R3HCC1L: variants seen among roughly 807,000 people sequenced by gnomAD.
The protein encoded by R3HCC1L is R3H domain and coiled-coil containing 1 like.
In R3HCC1L, 51 loss-of-function variants were observed where a neutral mutation model predicts 59.9. The observed-to-expected ratio is 0.85, with a 90% CI of 0.68 to 1.07. The LOEUF is 1.07. Ranked by LOEUF, R3HCC1L falls within the 50% of genes least tolerant of loss-of-function variation. The pLI, the probability that R3HCC1L is intolerant of heterozygous loss-of-function variation, is 0.00. For missense variants in R3HCC1L, 965 were observed against 933.0 expected, an observed-to-expected ratio of 1.03 and a Z score of -0.45; for synonymous variants, 322 against 315.2, an observed-to-expected ratio of 1.02 and a Z score of -0.23.
At chr10:98,135,278 G>T (rs944352694) in intron 1 of R3HCC1L, among the ~76,000 whole-genome samples, 1 of 152,216 alleles carries the variant, frequency 6.6e-6, no homozygotes, top group African/African-American at 2.4e-5. Context: ...AGTTGTGTAC[G>T]GGAAGGAGCA....
At position 98,208,376 on chromosome 10, in the gene R3HCC1L, T is replaced by C. The variant is rs762559219; in HGVS notation, c.262T>C (p.Ser88Pro). The C allele has an allele frequency of 5.0e-6, 8 of 1,613,870 alleles. No homozygotes were observed. The Admixed American group carries it at 1.0e-4, about 20-fold the overall frequency. Residue 88 changes from serine to proline, a missense_variant, in exon 5 of 10, where the codon TCT becomes CCT. By Grantham distance (74) the Ser-to-Pro change is moderately conservative (BLOSUM62 -1). Transcript: ENST00000298999. ...KEHNCREEKK[S>P]STKLRMDTCL... ...GCATAATTGTAGAGAAGAAAAGAAATCTTCAACAAAATTAAGAATGGACAC... is the reference window on the plus strand; with the variant it reads ...GCATAATTGTAGAGAAGAAAAGAAACCTTCAACAAAATTAAGAATGGACAC...
At chr10:98,184,723 T>G (rs1850044005) in intron 4 of R3HCC1L, among the ~76,000 whole-genome samples, 1 of 152,232 alleles carries the variant, frequency 6.6e-6, no homozygotes, top group Non-Finnish European at 1.5e-5. Flanking sequence ...CCATTTTAGC[T>G]AGGTGTTTCC....
At chr10:98,146,073 TAA>T (rs771445097) in intron 1 of R3HCC1L, among the ~76,000 whole-genome samples, 1 of 152,218 alleles carries the variant, frequency 6.6e-6, no homozygotes, top group African/African-American at 2.4e-5. Context: ...TGGCAGTTTC[TAA>T]AAATTAATCT....
At chr10:98,169,604 A>G (rs1400721141) in intron 4 of R3HCC1L, among the ~76,000 whole-genome samples, 1 of 152,210 alleles carries the variant, frequency 6.6e-6, no homozygotes, top group Non-Finnish European at 1.5e-5. Flanking sequence ...ACAATTAGAC[A>G]TGGTTCATCG....
intron 9 of R3HCC1L, among the ~76,000 whole-genome samples, chr10:98,243,055 A>C (rs1463983107): frequency 6.6e-6 from 1 of 152,154 alleles, no homozygotes; most frequent in Non-Finnish European, 1.5e-5. Context: ...TCTTTTTCTC[A>C]CATTTCCAAG....
chr10:98,177,921 ATTTG>A (rs1849207608), intron 4 of R3HCC1L, among the ~76,000 whole-genome samples: 1 of 151,978 alleles, frequency 6.6e-6, no homozygotes, highest in Non-Finnish European at 1.5e-5. Context: ...TTTCTTGTAA[ATTTG>A]TTTAAGTTCT....
chr10:98,176,262 T>C (rs1849007682), intron 4 of R3HCC1L, among the ~76,000 whole-genome samples: 1 of 152,182 alleles, frequency 6.6e-6, no homozygotes, highest in South Asian at 2.1e-4. Context: ...CCAGTTCCTA[T>C]GCCTCTTCAT....
At chr10:98,138,458 C>G (rs763406177) in intron 1 of R3HCC1L, among the ~76,000 whole-genome samples, 1 of 151,944 alleles carries the variant, frequency 6.6e-6, no homozygotes, top group Non-Finnish European at 1.5e-5. Flanking sequence ...TTGAGATCCT[C>G]TGAGGTAGGC....
Position 98,215,940 on chromosome 10 carries a change from A to G in R3HCC1L, c.1785+6041A>G, listed in dbSNP as rs115938836. On this transcript the variant is annotated intron_variant, in intron 5 of 9. Transcript: ENST00000298999. ...GGGAAAGAAGCATCCAGAGGAGTTT[A>G]AAGATTGAAGCTGGATCTTGGGAGA... 8.9e-3 allele frequency among the ~76,000 whole-genome samples: 1,355 copies of G among 152,356 alleles called. 24 individuals carry two copies. Among genetic ancestry groups the G allele is most frequent in the African/African-American group, 0.029 (1,215 of 41,586 alleles).
intron 4 of R3HCC1L, among the ~76,000 whole-genome samples, chr10:98,178,737 A>T (rs1252395221): frequency 2.0e-5 from 3 of 151,910 alleles, no homozygotes; most frequent in African/African-American, 7.3e-5. Context: ...CTTTTATTTC[A>T]TTGAGCACTG....
chr10:98,231,079 T>G (rs151302854), intron 5 of R3HCC1L: 1 of 411,680 alleles, frequency 2.4e-6, no homozygotes, highest in African/African-American at 2.1e-5. Context: ...TTAAAAACTT[T>G]TTTTCATTTT....
intron 1 of R3HCC1L, among the ~76,000 whole-genome samples, chr10:98,138,596 G>A (rs1844822440): frequency 6.6e-6 from 1 of 152,126 alleles, no homozygotes; most frequent in Admixed American, 6.5e-5. Context: ...ATTTTTGGAA[G>A]GTATGCTAAT....
chr10:98,160,309 G>A (rs1330689295), intron 2 of R3HCC1L, among the ~76,000 whole-genome samples: 1 of 152,206 alleles, frequency 6.6e-6, no homozygotes, highest in Non-Finnish European at 1.5e-5. Context: ...GAATAGAGAT[G>A]TGTTACAAGT....
At chr10:98,152,362 G>C (rs1481261909) in intron 1 of R3HCC1L, among the ~76,000 whole-genome samples, 1 of 151,578 alleles carries the variant, frequency 6.6e-6, no homozygotes, top group Non-Finnish European at 1.5e-5. Context: ...TGCAGCCTCT[G>C]CCCGGCCGCC....
chr10:98,229,749 C>T (rs1332205858), intron 5 of R3HCC1L, among the ~76,000 whole-genome samples: 4 of 152,034 alleles, frequency 2.6e-5, no homozygotes, highest in East Asian at 3.9e-4. Context: ...TTTTGAGATA[C>T]GTCCCATCAA....
chr10:98,208,585 A>G lies in R3HCC1L; in HGVS notation c.471A>G (p.Gly157=), dbSNP rs749089389. Residue 157 remains glycine (G), a synonymous_variant, in exon 5 of 10, where the codon GGA becomes GGG. Transcript: ENST00000298999. ...AAGTTGAAACTACGGATGTGACAGG[A>G]CATGAGAGGATACTTCTTTCACAGG... ...CLEVETTDVT[G]HERILLSQAC... is the part of the protein sequence containing the mutation. The G allele has an allele frequency of 7.4e-6, 12 of 1,614,132 alleles. No individual in the cohort carries two copies. The highest frequency in any genetic ancestry group is 9.3e-6 in the Non-Finnish European group (11 of 1,180,006).
rs1853020232 is a variant in R3HCC1L at position 98,208,509 on chromosome 10, C to G, written c.395C>G (p.Thr132Ser). ...GGAGCCCCAAATGCTGGGGTTATAA[C>G]TAATGCACCTTTGCAGAGACATTTT... ...QQGAPNAGVI[T>S]NAPLQRHFKP... is the part of the protein sequence containing the mutation. The change falls in exon 5 of 10, where the codon ACT becomes AGT. Residue 132 changes from threonine (T) to serine (S), a missense_variant. Coordinates refer to ENST00000298999, the MANE Select transcript of R3HCC1L (RefSeq NM_001351015.2). The G allele has an allele frequency of 6.2e-7, 1 of 1,614,162 alleles. No homozygotes were observed. The highest frequency in any genetic ancestry group is 8.5e-7 in the Non-Finnish European group (1 of 1,180,014).
intron 5 of R3HCC1L, among the ~76,000 whole-genome samples, chr10:98,219,064 A>G (rs1039730273): frequency 1.3e-5 from 2 of 152,016 alleles, no homozygotes; most frequent in African/African-American, 4.8e-5. Flanking sequence ...GGCGCATGCT[A>G]TTATGCTCAG....
intron 5 of R3HCC1L, among the ~76,000 whole-genome samples, chr10:98,221,280 C>T (rs1205688540): frequency 6.6e-6 from 1 of 151,518 alleles, no homozygotes; most frequent in Non-Finnish European, 1.5e-5. Flanking sequence ...TGGATATTAG[C>T]CCTTTGTCAG....
Sources: gnomAD v4.1 joint callset for allele counts (sites outside exome capture counted in the v4.1 genomes callset) on GRCh38, gnomAD v4.1.1 for gene constraint, MANE v1.5 for transcripts, NCBI Gene and HGNC (gene_info 2026-07-23, HGNC 2026-07-21) for gene names.